LPP: variants seen among roughly 807,000 people sequenced by gnomAD.
LPP encodes the protein lipoma-preferred partner.
Under a neutral mutation model 60.4 loss-of-function variants are expected in LPP, and 38 were observed. The observed-to-expected ratio is 0.63, with a 90% confidence interval of 0.49 to 0.83. The LOEUF (loss-of-function observed/expected upper bound fraction) is 0.83, where lower values mean the gene tolerates loss of function less well. Among genes scored for constraint, LPP ranks in the 40% least tolerant of loss-of-function variants. LPP has a pLI of 0.00. For synonymous variants in LPP, 328 were observed against 290.8 expected (o/e 1.13, Z -1.30); for missense variants, 902 against 783.6 (o/e 1.15, Z -1.80).
intron 9 of LPP, among the ~76,000 whole-genome samples, chr3:188,809,567 AT>A (rs1750250709): frequency 1.3e-5 from 2 of 152,122 alleles, no homozygotes. Context: ...GTTCCTCTAG[AT>A]TCTGGATGTT....
intron 5 of LPP, among the ~76,000 whole-genome samples, chr3:188,497,200 C>G (rs1002736025): frequency 1.3e-5 from 2 of 152,074 alleles, no homozygotes; most frequent in Non-Finnish European, 2.9e-5. Context: ...ATCTATCCTA[C>G]AGCCACTTCC....
At chr3:188,736,192 A>G (rs1468701302) in intron 8 of LPP, among the ~76,000 whole-genome samples, 1 of 152,226 alleles carries the variant, frequency 6.6e-6, no homozygotes, top group Non-Finnish European at 1.5e-5. Context: ...TTATAATAAA[A>G]CATAAAGATC....
At chr3:188,254,996 T>C (rs1003307887) in intron 2 of LPP, among the ~76,000 whole-genome samples, 2 of 152,206 alleles carry the variant, frequency 1.3e-5, no homozygotes, top group African/African-American at 4.8e-5. Context: ...AAGGAAGTTA[T>C]AAAATGTTTG....
At chr3:188,449,132 C>T (rs1283348008) in intron 4 of LPP, among the ~76,000 whole-genome samples, 1 of 152,178 alleles carries the variant, frequency 6.6e-6, no homozygotes, top group Non-Finnish European at 1.5e-5. Flanking sequence ...GAAACTTTTA[C>T]TTTACTGCAC....
At chr3:188,866,891 A>G (rs13067593) in intron 10 of LPP, among the ~76,000 whole-genome samples, 17,874 of 152,174 alleles carry the variant, frequency 0.12, 1,194 homozygotes, top group Middle Eastern at 0.17. Flanking sequence ...AGTTTCTTTT[A>G]CTAATGCAAG....
rs1769124721 is a variant in LPP at position 188,875,307 on chromosome 3, G to T, written c.*828G>T. On this transcript the variant is annotated 3_prime_UTR_variant, in exon 12 of 12. Transcript: ENST00000617246. The stretch of plus-strand genomic sequence containing the variant: ...TTCTTTTCCGCACTACCTGAACATT[G>T]TAATACAGACAAACTTGATTTCTTC... 1 of 218,586 alleles carries T rather than the reference G, an allele frequency of 4.6e-6. No homozygotes were observed. The highest frequency in any genetic ancestry group is 6.8e-5 in the East Asian group (1 of 14,648). 13.5% of individuals were successfully genotyped at this position (218,586 alleles called of 1,614,324 possible). A position where few individuals can be genotyped will look rare whatever the true frequency, so the allele number is the denominator to read the frequency against.
chr3:188,770,172 T>A lies in LPP; in HGVS notation c.1410+9890T>A, dbSNP rs1316144271. 1.4e-4 allele frequency among the ~76,000 whole-genome samples: 17 copies of A among 118,682 alleles called. No individual in the cohort carries two copies. The South Asian group carries it at 3.1e-3, about 21-fold the overall frequency. The allele number at this position is 118,682 out of a possible 152,430, so 77.9% of individuals were successfully genotyped here. On this transcript the variant is annotated intron_variant, in intron 9 of 11. Transcript: ENST00000617246. Reference sequence around the variant, plus strand: ...TTTTCTTTCATAGTTATAATTCTTTTTTTTTTTTTTTTTTTTTTTTTTCCG... The same window carrying A: ...TTTTCTTTCATAGTTATAATTCTTTATTTTTTTTTTTTTTTTTTTTTTCCG...
rs376041427 is a variant in LPP, at chr3:188,874,516, A to T, written c.*37A>T. 2.8e-4 allele frequency: 446 copies of T among 1,600,644 alleles called. 2 individuals are homozygous for T. The highest frequency in any genetic ancestry group is 3.7e-4 in the Non-Finnish European group (429 of 1,170,256). ...TGTTCAGCCGGCACTGAGAAGAACG[A>T]ACACAAGAAAAAGATAAGAAATACT... is the stretch of plus-strand genomic sequence containing the variant. On this transcript the variant is annotated 3_prime_UTR_variant, in exon 12 of 12. Transcript: ENST00000617246.
At chr3:188,552,520 C>A (rs143306316) in intron 6 of LPP, among the ~76,000 whole-genome samples, 250 of 152,254 alleles carry the variant, frequency 1.6e-3, no homozygotes, top group Middle Eastern at 6.8e-3. Flanking sequence ...TCTTACAGTG[C>A]TGTAGGTCAG....
At position 188,636,716 on chromosome 3, in the gene LPP, T is replaced by C. The variant is rs370660480; in HGVS notation, c.1113+26872T>C. On this transcript the variant is annotated intron_variant, in intron 7 of 11. Coordinates refer to ENST00000617246, the MANE Select transcript of LPP (RefSeq NM_001375462.1). ...CAGCACGCAGCTGGAGATCTGAGAA[T>C]GGGCAGACTGCCTCCTCAAGTGGGT... Among the ~76,000 whole-genome samples the C allele has an allele frequency of 6.9e-3, 1,051 of 151,976 alleles. 4 individuals are homozygous for C. The highest frequency in any genetic ancestry group is 0.023 in the East Asian group (120 of 5,158).
intron 7 of LPP, among the ~76,000 whole-genome samples, chr3:188,626,113 A>G (rs1046377465): frequency 1.3e-5 from 2 of 152,156 alleles, no homozygotes; most frequent in African/African-American, 4.8e-5. Context: ...TGTATGCATA[A>G]AAGTATTATA....
At chr3:188,460,887 A>G (rs1026364723) in intron 4 of LPP, among the ~76,000 whole-genome samples, 1 of 152,148 alleles carries the variant, frequency 6.6e-6, no homozygotes, top group Non-Finnish European at 1.5e-5. Flanking sequence ...TTAGTATTCA[A>G]TTTGGTTACT....
In LPP at chr3:188,888,398, T is replaced by C. The variant is rs1770919289; in HGVS notation, c.*13919T>C. On this transcript the variant is annotated 3_prime_UTR_variant, in exon 12 of 12. Coordinates refer to ENST00000617246, the MANE Select transcript of LPP (RefSeq NM_001375462.1). Reference sequence around the variant, plus strand: ...CTTTTCTCTTTCTGTGCCGTCACCTTTGAGAAAAACGATTGCACCTTCTCC... The same window carrying C: ...CTTTTCTCTTTCTGTGCCGTCACCTCTGAGAAAAACGATTGCACCTTCTCC... 8 of 227,454 alleles carry C rather than the reference T, an allele frequency of 3.5e-5. No individual in the cohort carries two copies. The Admixed American group carries it at 4.6e-4, about 13-fold the overall frequency. The allele number at this position is 227,454 out of a possible 1,614,324, so 14.1% of individuals were successfully genotyped here.
intron 6 of LPP, among the ~76,000 whole-genome samples, chr3:188,547,174 G>A (rs1326870321): frequency 1.3e-5 from 2 of 152,132 alleles, no homozygotes; most frequent in South Asian, 4.1e-4. Context: ...AGAAAATGTA[G>A]GGCAAGTGAT....
chr3:188,504,406 A>T (rs1812847445), intron 5 of LPP, among the ~76,000 whole-genome samples: 1 of 152,084 alleles, frequency 6.6e-6, no homozygotes, highest in Non-Finnish European at 1.5e-5. Context: ...CGTCAGGTAG[A>T]TCCCCCATCA....
intron 4 of LPP, among the ~76,000 whole-genome samples, chr3:188,448,375 T>TCTATCTAAATAGATATTATTTAGATAC (rs1256682658): frequency 6.6e-6 from 1 of 151,582 alleles, no homozygotes; most frequent in Non-Finnish European, 1.5e-5. Context: ...GATAATAATA[T>TCTATCTAAATAGATATTATTTAGATAC]CTATCTATAT....
At chr3:188,176,107 G>T (rs344958) in intron 1 of LPP, among the ~76,000 whole-genome samples, 7,756 of 152,108 alleles carry the variant, frequency 0.051, 258 homozygotes, top group African/African-American at 0.1. Flanking sequence ...GGATCATAAA[G>T]GTCATCTAGT....
intron 2 of LPP, among the ~76,000 whole-genome samples, chr3:188,269,683 C>CGTGTG (rs1736994597): frequency 1.2e-5 from 1 of 83,098 alleles, no homozygotes; most frequent in African/African-American, 5.5e-5. Flanking sequence ...GTGTGTGTCA[C>CGTGTG]TCTGTCTCCC....
At chr3:188,629,430 C>G (rs1343218813) in intron 7 of LPP, among the ~76,000 whole-genome samples, 1 of 151,976 alleles carries the variant, frequency 6.6e-6, no homozygotes, top group Non-Finnish European at 1.5e-5. Flanking sequence ...CCAATAATGT[C>G]CAAACTGAGA....
Sources: allele counts gnomAD v4.1 joint callset (sites outside exome capture counted in the v4.1 genomes callset), GRCh38; gene constraint gnomAD v4.1.1; transcripts MANE v1.5; gene names NCBI Gene and HGNC (gene_info 2026-07-23, HGNC 2026-07-21).